CNTN3: variants seen among roughly 807,000 people sequenced by gnomAD.
CNTN3 encodes contactin-3.
A neutral mutation model predicts 119.1 loss-of-function variants in CNTN3; 60 were observed. The observed-to-expected ratio is 0.50, with a 90% CI of 0.41 to 0.62. The LOEUF (loss-of-function observed/expected upper bound fraction) is 0.62. Among genes scored for constraint, CNTN3 ranks in the 20% least tolerant of loss-of-function variants. The pLI is 0.00. For missense variants in CNTN3, 1,101 were observed against 1,242.4 expected (o/e 0.89, Z 1.71); for synonymous variants, 450 against 438.7 (o/e 1.03, Z -0.32).
intron 1 of CNTN3, among the ~76,000 whole-genome samples, chr3:74,578,178 CAATT>C (rs1297511559): frequency 2.0e-5 from 3 of 151,590 alleles, no homozygotes; most frequent in African/African-American, 7.3e-5. Context: ...AGAGGTAAGA[CAATT>C]AAATAACCCC....
intron 1 of CNTN3, among the ~76,000 whole-genome samples, chr3:74,544,960 C>T (rs1703894030): frequency 6.6e-6 from 1 of 152,046 alleles, no homozygotes; most frequent in Non-Finnish European, 1.5e-5. Flanking sequence ...AATTTTCAGG[C>T]AAAGAATAAG....
At chr3:74,442,179 AG>A (rs1553662550) in intron 4 of CNTN3, among the ~76,000 whole-genome samples, 1 of 49,176 alleles carries the variant, frequency 2.0e-5, no homozygotes, top group African/African-American at 5.5e-5. Context: ...ACACACACAG[AG>A]AGAGAGAGAT....
chr3:74,464,395 T>G (rs1487403964), intron 4 of CNTN3, among the ~76,000 whole-genome samples: 1 of 152,196 alleles, frequency 6.6e-6, no homozygotes, highest in Admixed American at 6.5e-5. Context: ...ATTTCTTTTT[T>G]GTTGAAATAC....
At chr3:74,381,764 A>G (rs946230712) in intron 5 of CNTN3, among the ~76,000 whole-genome samples, 2 of 152,174 alleles carry the variant, frequency 1.3e-5, no homozygotes, top group Admixed American at 1.3e-4. Context: ...TAATTGCAAC[A>G]GCCTTTATGC....
intron 5 of CNTN3, among the ~76,000 whole-genome samples, chr3:74,404,853 G>A (rs1705286506): frequency 6.6e-6 from 1 of 151,920 alleles, no homozygotes; most frequent in Non-Finnish European, 1.5e-5. Flanking sequence ...TTTTTCATGT[G>A]AACTGTCCTT....
intron 1 of CNTN3, among the ~76,000 whole-genome samples, chr3:74,524,153 A>G (rs1225645579): frequency 6.6e-6 from 1 of 151,918 alleles, no homozygotes; most frequent in Non-Finnish European, 1.5e-5. Context: ...CTTCCCAACA[A>G]TCCATCCCCA....
intron 4 of CNTN3, among the ~76,000 whole-genome samples, chr3:74,465,408 A>T (rs1283865696): frequency 6.6e-6 from 1 of 152,166 alleles, no homozygotes; most frequent in Non-Finnish European, 1.5e-5. Context: ...AACAAAAACA[A>T]ATAAACAAAA....
intron 1 of CNTN3, among the ~76,000 whole-genome samples, chr3:74,550,698 C>T (rs1703977315): frequency 6.6e-6 from 1 of 152,078 alleles, no homozygotes. Flanking sequence ...GCCACCATAC[C>T]CAGGTAAGTT....
chr3:74,411,745 C>T (rs11128385), intron 5 of CNTN3, among the ~76,000 whole-genome samples: 113,112 of 151,920 alleles, frequency 0.74, 42,218 homozygotes, highest in East Asian at 0.81. Context: ...ACTTTACCAA[C>T]TGTATTTCAC....
intron 20 of CNTN3, among the ~76,000 whole-genome samples, chr3:74,277,629 A>C (rs868140727): frequency 6.6e-6 from 1 of 152,104 alleles, no homozygotes. Context: ...AATGTAATAA[A>C]AGCCATCTAT....
chr3:74,597,923 A>C (rs1704839403), intron 1 of CNTN3, among the ~76,000 whole-genome samples: 1 of 152,068 alleles, frequency 6.6e-6, no homozygotes, highest in Non-Finnish European at 1.5e-5. Flanking sequence ...ATCAGATATA[A>C]AACTTCCTAC....
Position 74,444,238 on chromosome 3 carries a change from T to C in CNTN3, c.359-19298A>G, listed in dbSNP as rs142393231. Among the ~76,000 whole-genome samples, 1,021 of 151,590 alleles carry C rather than the reference T, an allele frequency of 6.7e-3. 16 individuals carry two copies. The highest frequency in any genetic ancestry group is 0.024 in the African/African-American group (975 of 41,318). On this transcript the variant is annotated intron_variant, in intron 4 of 22. Coordinates refer to ENST00000263665, the MANE Select transcript of CNTN3 (RefSeq NM_020872.3). ...GCAACAACCCTATTTTCAAACAACATCCCATTCTGAGGCATTGGGGGAGGA... is the reference window on the plus strand; with the variant it reads ...GCAACAACCCTATTTTCAAACAACACCCCATTCTGAGGCATTGGGGGAGGA...
In CNTN3 at chr3:74,563,053, C is replaced by T. The variant is rs1434788969; in HGVS notation, c.-80-41861G>A. On this transcript the variant is annotated intron_variant, in intron 1 of 22. Coordinates refer to ENST00000263665, the MANE Select transcript of CNTN3 (RefSeq NM_020872.3). ...CTCAACATTCCACTGCATCATGCAA[C>T]TCAATAACAGATCGTCCCACTGTTC... Among the ~76,000 whole-genome samples, 7 of 152,132 alleles carry T rather than the reference C, an allele frequency of 4.6e-5. No homozygotes were observed. In the East Asian group the frequency reaches 1.3e-3, roughly 29 times the overall value.
chr3:74,301,414 T>C lies in CNTN3; in HGVS notation c.2079A>G (p.Val693=). The C allele has an allele frequency of 2.5e-6, 4 of 1,614,082 alleles. No individual in the cohort carries two copies. The highest frequency in any genetic ancestry group is 3.4e-6 in the Non-Finnish European group (4 of 1,179,972). The change falls in exon 16 of 23, where the codon GTA becomes GTG. Residue 693 remains valine, a synonymous_variant. Coordinates refer to ENST00000263665, the MANE Select transcript of CNTN3 (RefSeq NM_020872.3). ...GGEPSLPSEK[V]RTEEAVPEVP... ...AACACTAACCTGCCTCTTCAGTTCTTACTTTTTCTGAGGGTAAACTTGGTT... is the reference window on the plus strand; with the variant it reads ...AACACTAACCTGCCTCTTCAGTTCTCACTTTTTCTGAGGGTAAACTTGGTT...
Position 74,301,671 on chromosome 3 carries a change from C to T in CNTN3, c.1921G>A (p.Val641Met), listed in dbSNP as rs187249178. The T allele has an allele frequency of 6.8e-6, 11 of 1,613,996 alleles. No homozygotes were observed. Among genetic ancestry groups the T allele is most frequent in the Middle Eastern group, 1.7e-4 (1 of 6,058 alleles). The change falls in exon 15 of 23, where the codon GTG (valine) becomes ATG (methionine). Residue 641 changes from valine (V) to methionine (M), a missense_variant. By Grantham distance (21) the Val-to-Met change is conservative (BLOSUM62 1). Coordinates refer to ENST00000263665, the MANE Select transcript of CNTN3 (RefSeq NM_020872.3). The part of the protein sequence containing the change: ...YSIQARTPFS[V>M]GWQTVTTVPE... ...CCTGTTGTGACGGTTTGCCAACCCA[C>T]GGAGAAAGGTGTCCGAGCCTGGATA...
intron 1 of CNTN3, among the ~76,000 whole-genome samples, chr3:74,595,471 G>A (rs184931435): frequency 6.6e-6 from 1 of 151,352 alleles, no homozygotes; most frequent in Non-Finnish European, 1.5e-5. Context: ...AATTTTTGTA[G>A]AAGGTGTAAG....
At chr3:74,613,102 C>T (rs1234824637) in intron 1 of CNTN3, among the ~76,000 whole-genome samples, 1 of 152,114 alleles carries the variant, frequency 6.6e-6, no homozygotes, top group Non-Finnish European at 1.5e-5. Context: ...GAGATATAAG[C>T]TCTTTCAAAG....
intron 1 of CNTN3, among the ~76,000 whole-genome samples, chr3:74,586,166 C>A (rs758497486): frequency 7.2e-5 from 11 of 152,064 alleles, no homozygotes; most frequent in Non-Finnish European, 1.2e-4. Context: ...GGGCAAGTAG[C>A]CCCAGGCAAT....
Position 74,520,024 on chromosome 3 carries a change from G to T in CNTN3, c.55+1034C>A, listed in dbSNP as rs541496335. Among the ~76,000 whole-genome samples, 8 of 151,576 alleles carry T rather than the reference G, an allele frequency of 5.3e-5. No individual in the cohort carries two copies. In the South Asian group the frequency reaches 1.7e-3, roughly 31 times the overall value. ...CTATTCATGTCTTTAAATAACATGT[G>T]TTTTACCTGACTACTCCATTTGGCC... is the stretch of plus-strand genomic sequence containing the variant. On this transcript the variant is annotated intron_variant, in intron 2 of 22. Transcript: ENST00000263665.
Sources: gnomAD v4.1 joint callset for allele counts (sites outside exome capture counted in the v4.1 genomes callset) on GRCh38, gnomAD v4.1.1 for gene constraint, MANE v1.5 for transcripts, NCBI Gene and HGNC (gene_info 2026-07-23, HGNC 2026-07-21) for gene names.